The following TBC1D31 variants were observed in gnomAD, a reference collection of about 807,000 sequenced individuals.
TBC1D31 encodes TBC1 domain family member 31.
In TBC1D31, 99 loss-of-function variants were observed where a neutral mutation model predicts 132.9. The ratio of observed to expected loss-of-function variants is 0.74; its 90% confidence interval spans 0.63 to 0.88. TBC1D31 has a LOEUF of 0.88. Among genes scored for constraint, TBC1D31 ranks in the 40% least tolerant of loss-of-function variants. TBC1D31 has a pLI of 0.00. For synonymous variants in TBC1D31, 385 were observed against 419.4 expected (o/e 0.92, Z 1.00); for missense variants, 1,134 against 1,256.6 (o/e 0.90, Z 1.48).
rs944325015 is a variant in TBC1D31, at chr8:123,134,661, G to C, written c.2499+455G>C. On this transcript the variant is annotated intron_variant, in intron 17 of 21. Transcript: ENST00000287380. Reference sequence around the variant, plus strand: ...TAGTGCCACACAGGATTGTAAGGTAGCCAAAATGTCTGAATGTACAGTTTG... The same window carrying C: ...TAGTGCCACACAGGATTGTAAGGTACCCAAAATGTCTGAATGTACAGTTTG... 8.5e-5 allele frequency among the ~76,000 whole-genome samples: 13 copies of C among 152,294 alleles called. 1 individual carries two copies. Among genetic ancestry groups the C allele is most frequent in the African/African-American group, 2.9e-4 (12 of 41,570 alleles).
intron 6 of TBC1D31, among the ~76,000 whole-genome samples, chr8:123,098,811 C>T (rs1466083925): frequency 6.6e-6 from 1 of 152,208 alleles, no homozygotes; most frequent in Non-Finnish European, 1.5e-5. Flanking sequence ...GAAATAGTGG[C>T]ATAAAGGTTA....
intron 4 of TBC1D31, among the ~76,000 whole-genome samples, chr8:123,086,810 C>T (rs1186576199): frequency 6.6e-6 from 1 of 152,072 alleles, no homozygotes. Flanking sequence ...ACCTCTGCCT[C>T]CCAGATTCAA....
At position 123,126,530 on chromosome 8, in the gene TBC1D31, A is replaced by T; in HGVS notation, c.1727A>T (p.Glu576Val). 1 of 1,613,938 alleles carries T rather than the reference A, an allele frequency of 6.2e-7. No individual in the cohort carries two copies. Among genetic ancestry groups the T allele is most frequent in the Non-Finnish European group, 8.5e-7 (1 of 1,179,976 alleles). Residue 576 changes from glutamate (E) to valine (V), a missense_variant, in exon 13 of 22, where the codon GAA becomes GTA. Glu to Val is a moderately radical substitution (Grantham distance 121). Transcript: ENST00000287380. ...TAGCTATATGCATGGCCTCTTCTTG[A>T]AACTGTGTTCTCAGAAGTGCTGACA... ...TSQLYAWPLL[E>V]TVFSEVLTRE...
chr8:123,097,465 C>G (rs1563691511), intron 6 of TBC1D31, 24 bp downstream of exon 6: 1 of 1,605,730 alleles, frequency 6.2e-7, no homozygotes, highest in Non-Finnish European at 8.5e-7. Flanking sequence ...ATGTAGGGCA[C>G]TGTACTTTTT....
At chr8:123,074,169 T>C (rs1814236904) in intron 1 of TBC1D31, among the ~76,000 whole-genome samples, 1 of 152,044 alleles carries the variant, frequency 6.6e-6, no homozygotes, top group Admixed American at 6.6e-5. Context: ...GTAGCTGGGA[T>C]TACAGGCGCA....
chr8:123,146,961 C>T (rs543508629), intron 20 of TBC1D31, among the ~76,000 whole-genome samples: 1 of 151,892 alleles, frequency 6.6e-6, no homozygotes, highest in Non-Finnish European at 1.5e-5. Flanking sequence ...ATACCTCACC[C>T]GGCCAAATCA....
At chr8:123,129,310 T>C in intron 15 of TBC1D31, 92 bp downstream of exon 15, 1 of 837,684 alleles carries the variant, frequency 1.2e-6, no homozygotes, top group Non-Finnish European at 1.7e-6. Context: ...GAAACAACAT[T>C]ATATATAGGA....
chr8:123,160,609 G>A, the TBC1D31 span, among the ~76,000 whole-genome samples: 1 of 152,120 alleles, frequency 6.6e-6, no homozygotes. Flanking sequence ...GGCCGCCAGG[G>A]GACGCTGTGC....
At chr8:123,112,331 T>A (rs1192820202) in intron 10 of TBC1D31, among the ~76,000 whole-genome samples, 1 of 152,234 alleles carries the variant, frequency 6.6e-6, no homozygotes, top group East Asian at 1.9e-4. Flanking sequence ...ACATGTTTTC[T>A]AAATCAAATC....
chr8:123,100,604 A>ATAAT lies in TBC1D31; in HGVS notation c.832-203_832-202insTAAT, dbSNP rs1326440675. Reference sequence around the variant, plus strand: ...AACAATAATAATAATAATAATAATAAAATAAAATATATAATATCTCACTGA... The same window carrying ATAAT: ...AACAATAATAATAATAATAATAATAATAATAATAAAATATATAATATCTCACTGA... On this transcript the variant is annotated intron_variant, in intron 6 of 21. Coordinates refer to ENST00000287380, the MANE Select transcript of TBC1D31 (RefSeq NM_145647.4). Among the ~76,000 whole-genome samples, 552 of 151,438 alleles carry ATAAT rather than the reference A, an allele frequency of 3.6e-3. 2 individuals are homozygous for ATAAT. The highest frequency in any genetic ancestry group is 0.013 in the African/African-American group (534 of 41,280).
chr8:123,110,683 A>G (rs763956464), intron 10 of TBC1D31, among the ~76,000 whole-genome samples: 2 of 152,144 alleles, frequency 1.3e-5, no homozygotes, highest in Non-Finnish European at 2.9e-5. Context: ...CTTGCTAAAT[A>G]TATACATATG....
In TBC1D31 at chr8:123,084,442, G is replaced by C. The variant is rs550989928; in HGVS notation, c.519+102G>C. The C allele has an allele frequency of 3.6e-5, 42 of 1,168,290 alleles. No individual in the cohort carries two copies. The African/African-American group carries it at 6.5e-4, about 18-fold the overall frequency. 72.4% of individuals were successfully genotyped at this position (1,168,290 alleles called of 1,614,324 possible). A position where few individuals can be genotyped will look rare whatever the true frequency, so the allele number is the denominator to read the frequency against. Reference sequence around the variant, plus strand: ...AAGAGTAATGATTCACTTTGTCCTTGTAGCTCTGTAACTCAGCAACAAGCA... The same window carrying C: ...AAGAGTAATGATTCACTTTGTCCTTCTAGCTCTGTAACTCAGCAACAAGCA... On this transcript the variant is annotated intron_variant, in intron 4 of 21. Coordinates refer to ENST00000287380, the MANE Select transcript of TBC1D31 (RefSeq NM_145647.4).
At chr8:123,147,969 A>G (rs1822394091) in intron 20 of TBC1D31, among the ~76,000 whole-genome samples, 1 of 152,076 alleles carries the variant, frequency 6.6e-6, no homozygotes, top group African/African-American at 2.4e-5. Context: ...TCTACTAAAA[A>G]TACAAAAATT....
At chr8:123,122,066 T>C (rs563132502) in intron 11 of TBC1D31, among the ~76,000 whole-genome samples, 1 of 152,274 alleles carries the variant, frequency 6.6e-6, no homozygotes, top group African/African-American at 2.4e-5. Context: ...TGTGGGAAAA[T>C]TGGGACCTTC....
At chr8:123,089,151 G>A (rs1345226092) in intron 4 of TBC1D31, among the ~76,000 whole-genome samples, 1 of 152,116 alleles carries the variant, frequency 6.6e-6, no homozygotes, top group African/African-American at 2.4e-5. Flanking sequence ...GAGCATTTAA[G>A]ATTTCAGATT....
At chr8:123,138,078 A>G (rs1051584430) in intron 17 of TBC1D31, among the ~76,000 whole-genome samples, 1 of 152,174 alleles carries the variant, frequency 6.6e-6, no homozygotes, top group Non-Finnish European at 1.5e-5. Context: ...CCTCTTCACC[A>G]TTTTTAGAGT....
downstream of TBC1D31, among the ~76,000 whole-genome samples, chr8:123,154,554 C>T (rs542945629): frequency 5.2e-4 from 79 of 152,272 alleles, no homozygotes; most frequent in Non-Finnish European, 9.3e-4. Context: ...GGAGGCAGGG[C>T]ATAAGGACCC....
At chr8:123,127,496 C>T (rs1244637095) in intron 13 of TBC1D31, among the ~76,000 whole-genome samples, 2 of 151,602 alleles carry the variant, frequency 1.3e-5, no homozygotes, top group African/African-American at 4.9e-5. Context: ...TGGTCTCGAA[C>T]CCCTTACCTC....
chr8:123,162,236 C>T, the TBC1D31 span, among the ~76,000 whole-genome samples: 9 of 152,008 alleles, frequency 5.9e-5, no homozygotes, highest in Non-Finnish European at 1.2e-4. Flanking sequence ...CATTGATCAC[C>T]TAGCATGCCT....
Sources: allele counts gnomAD v4.1 joint callset (sites outside exome capture counted in the v4.1 genomes callset), GRCh38; gene constraint gnomAD v4.1.1; transcripts MANE v1.5; gene names NCBI Gene and HGNC (gene_info 2026-07-23, HGNC 2026-07-21).